The following PCDH15 variants were observed in gnomAD, a reference collection of about 807,000 sequenced individuals.
PCDH15 encodes the protein protocadherin related 15.
In PCDH15, 129 loss-of-function variants were observed where a neutral mutation model predicts 178.5. The observed-to-expected ratio is 0.72, with a 90% confidence interval of 0.63 to 0.84. PCDH15 has a LOEUF of 0.84. Among genes scored for constraint, PCDH15 ranks in the 40% least tolerant of loss-of-function variants. The probability of loss-of-function intolerance (pLI) is 0.00; values close to 1 mark genes in which losing one functional copy is unlikely to be tolerated. For synonymous variants in PCDH15, 800 were observed against 732.0 expected (o/e 1.09, Z -1.50); for missense variants, 2,230 against 2,099.9 (o/e 1.06, Z -1.21).
chr10:55,526,618 G>A (rs1488251188), intron 2 of PCDH15, among the ~76,000 whole-genome samples: 2 of 151,778 alleles, frequency 1.3e-5, no homozygotes, highest in African/African-American at 2.4e-5. Context: ...TTCTCTACTC[G>A]AGTGCATCTT....
intron 1 of PCDH15, among the ~76,000 whole-genome samples, chr10:55,279,172 C>G (rs901822344): frequency 3.3e-5 from 5 of 152,024 alleles, no homozygotes. Context: ...TAAAAGGGAG[C>G]CTAACTTCAA....
rs1470035455 is a variant in PCDH15 at position 55,362,532 on chromosome 10, T to C, written c.-155-195881A>G. ...TAGTTGATTTGAATGTGTTCCCACC[T>C]AATTTCTCTTAATGGTAATATCTTG... is the stretch of plus-strand genomic sequence containing the variant. On this transcript the variant is annotated intron_variant, in intron 2 of 5. Coordinates refer to the PCDH15 transcript ENST00000613346. Among the ~76,000 whole-genome samples, 4 of 152,178 alleles carry C rather than the reference T, an allele frequency of 2.6e-5. No homozygotes were observed. The East Asian group carries it at 7.7e-4, about 29-fold the overall frequency.
At chr10:54,356,006 A>C (rs1179228257) in intron 5 of PCDH15, among the ~76,000 whole-genome samples, 1 of 152,050 alleles carries the variant, frequency 6.6e-6, no homozygotes, top group Non-Finnish European at 1.5e-5. Context: ...GGTGGGTAAA[A>C]GTTCAATGAG....
At chr10:54,527,744 G>C (rs2083490905) in intron 3 of PCDH15, 68 bp downstream of exon 3, 7 of 1,348,020 alleles carry the variant, frequency 5.2e-6, no homozygotes, top group Admixed American at 1.8e-5. Context: ...ACTCATAGTA[G>C]ATTGAGAATT....
At chr10:53,901,720 C>T (rs2082347808) in intron 26 of PCDH15, among the ~76,000 whole-genome samples, 1 of 152,160 alleles carries the variant, frequency 6.6e-6, no homozygotes, top group African/African-American at 2.4e-5. Flanking sequence ...CCTCCAGCTC[C>T]CTGTCTACCT....
chr10:55,184,165 G>T (rs916908174), intron 1 of PCDH15, among the ~76,000 whole-genome samples: 49 of 151,936 alleles, frequency 3.2e-4, no homozygotes, highest in African/African-American at 1.2e-3. Flanking sequence ...GCTAGATGTG[G>T]TTTTATGCAT....
At chr10:54,396,277 A>G (rs978095534) in intron 3 of PCDH15, among the ~76,000 whole-genome samples, 1 of 152,096 alleles carries the variant, frequency 6.6e-6, no homozygotes, top group Non-Finnish European at 1.5e-5. Context: ...TTCCTTTGTC[A>G]TGTCGCTTCC....
chr10:55,273,526 T>C (rs1842503161), intron 1 of PCDH15, among the ~76,000 whole-genome samples: 1 of 151,988 alleles, frequency 6.6e-6, no homozygotes, highest in African/African-American at 2.4e-5. Flanking sequence ...GTGTATGTGG[T>C]GGGTGGGTTG....
intron 2 of PCDH15, among the ~76,000 whole-genome samples, chr10:54,594,931 T>C (rs903239480): frequency 1.3e-5 from 2 of 152,274 alleles, no homozygotes; most frequent in Admixed American, 6.5e-5. Context: ...GAGAGGTCAC[T>C]GCTGTAAGCA....
chr10:55,180,481 AT>A (rs1269328424), intron 1 of PCDH15, among the ~76,000 whole-genome samples: 9 of 152,174 alleles, frequency 5.9e-5, no homozygotes, highest in African/African-American at 2.2e-4. Context: ...AAGCTATTGT[AT>A]TAATTCACTC....
intron 26 of PCDH15, among the ~76,000 whole-genome samples, chr10:53,886,124 T>C (rs1285100899): frequency 6.6e-6 from 1 of 152,202 alleles, no homozygotes; most frequent in African/African-American, 2.4e-5. Context: ...CAGGTAACAA[T>C]GACTATTGAG....
chr10:54,414,443 A>G (rs1954022237), intron 3 of PCDH15, among the ~76,000 whole-genome samples: 1 of 152,120 alleles, frequency 6.6e-6, no homozygotes, highest in Non-Finnish European at 1.5e-5. Context: ...GAGTTCTCCT[A>G]TAATGAATGA....
At chr10:54,617,195 TA>T (rs1327801567) in intron 2 of PCDH15, among the ~76,000 whole-genome samples, 1 of 151,990 alleles carries the variant, frequency 6.6e-6, no homozygotes, top group Admixed American at 6.6e-5. Flanking sequence ...GCACCTGGCC[TA>T]AAAATATGAC....
chr10:54,645,043 A>G (rs1441728949), intron 2 of PCDH15, among the ~76,000 whole-genome samples: 1 of 152,194 alleles, frequency 6.6e-6, no homozygotes, highest in African/African-American at 2.4e-5. Context: ...TATGTTATCT[A>G]TAAATTACCC....
chr10:53,927,976 T>C (rs2084713796), intron 25 of PCDH15, among the ~76,000 whole-genome samples: 1 of 151,978 alleles, frequency 6.6e-6, no homozygotes, highest in Non-Finnish European at 1.5e-5. Context: ...TGAAAAACAA[T>C]GTAGAAAGGA....
chr10:55,104,111 A>G (rs985698390), intron 2 of PCDH15, among the ~76,000 whole-genome samples: 2 of 152,162 alleles, frequency 1.3e-5, no homozygotes, highest in Non-Finnish European at 2.9e-5. Flanking sequence ...TTTCGTTTGC[A>G]TAAAACAGTA....
chr10:55,594,971 G>T (rs762433012), intron 2 of PCDH15, among the ~76,000 whole-genome samples: 1 of 151,922 alleles, frequency 6.6e-6, no homozygotes, highest in Non-Finnish European at 1.5e-5. Flanking sequence ...AGATCTGTTG[G>T]GAACTGGCTG....
At chr10:53,979,890 G>A (rs542880840) in intron 21 of PCDH15, among the ~76,000 whole-genome samples, 4 of 152,278 alleles carry the variant, frequency 2.6e-5, no homozygotes, top group African/African-American at 9.6e-5. Flanking sequence ...TGTGTTATAT[G>A]TACAGTCTAA....
chr10:54,977,887 T>C (rs1839115637), intron 2 of PCDH15, among the ~76,000 whole-genome samples: 2 of 152,164 alleles, frequency 1.3e-5, no homozygotes, highest in South Asian at 2.1e-4. Context: ...TGTAAGCATA[T>C]AGCACATGTT....
Sources: allele counts gnomAD v4.1 joint callset (sites outside exome capture counted in the v4.1 genomes callset), GRCh38; gene constraint gnomAD v4.1.1; transcripts MANE v1.5; gene names NCBI Gene and HGNC (gene_info 2026-07-23, HGNC 2026-07-21).